The following TAPT1 variants were observed in gnomAD, a reference collection of about 807,000 sequenced individuals.
TAPT1 encodes the protein transmembrane anterior posterior transformation 1.
Under a neutral mutation model 65.6 loss-of-function variants are expected in TAPT1, and 28 were observed. That is an observed-to-expected ratio of 0.43 (90% CI 0.32 to 0.59). The LOEUF is 0.59. Ranked by LOEUF, TAPT1 falls within the 20% of genes least tolerant of loss-of-function variation. The pLI is 0.09. For synonymous variants in TAPT1, 278 were observed against 245.2 expected (o/e 1.13, Z -1.25); for missense variants, 563 against 679.9 (o/e 0.83, Z 1.91).
intron 1 of TAPT1, among the ~76,000 whole-genome samples, chr4:16,220,150 T>C (rs1450318758): frequency 6.6e-6 from 1 of 152,224 alleles, no homozygotes; most frequent in Non-Finnish European, 1.5e-5. Context: ...TAGAATTCTA[T>C]AGACCTATCT....
chr4:16,197,494 A>G (rs975229), intron 3 of TAPT1, among the ~76,000 whole-genome samples: 8,099 of 152,324 alleles, frequency 0.053, 238 homozygotes, highest in Middle Eastern at 0.14. Flanking sequence ...ACGAAGTCAC[A>G]AATTTCAGGA....
At chr4:16,186,143 A>T (rs1342561856) in intron 7 of TAPT1, among the ~76,000 whole-genome samples, 1 of 152,158 alleles carries the variant, frequency 6.6e-6, no homozygotes, top group African/African-American at 2.4e-5. Flanking sequence ...AATAATAACT[A>T]AAAAAGCTAA....
At position 16,163,398 on chromosome 4, in the gene TAPT1, C is replaced by A; in HGVS notation, c.1614G>T (p.Thr538=). The change falls in exon 14 of 14, where the codon ACG becomes ACT. Residue 538 remains threonine, a synonymous_variant. Transcript: ENST00000405303. ...TGTGTTTTAATTCAGAATTGTCCTG[C>A]GTTATGTCCTTCTCGTCACCATCTG... ...TTPDGDEKDI[T]QDNSELKHRS... is the part of the protein sequence containing the mutation. 1.2e-6 allele frequency: 2 copies of A among 1,613,890 alleles called. No homozygotes were observed. The highest frequency in any genetic ancestry group is 8.5e-7 in the Non-Finnish European group (1 of 1,179,864).
intron 2 of TAPT1, among the ~76,000 whole-genome samples, chr4:16,206,276 G>A (rs893346834): frequency 6.6e-6 from 1 of 152,200 alleles, no homozygotes; most frequent in African/African-American, 2.4e-5. Context: ...TTAATTTGTA[G>A]GACTATGCAC....
At chr4:16,194,859 GTCTTCTTCTTCTTCTTCTTCTTCT>G (rs71649940) in intron 3 of TAPT1, among the ~76,000 whole-genome samples, 1 of 146,892 alleles carries the variant, frequency 6.8e-6, no homozygotes, top group Non-Finnish European at 1.5e-5. Context: ...CTTGATTTCT[GTCTTCTTCTTCTTCTTCTTCTTCT>G]TCTTCTTCTT....
chr4:16,165,370 A>G (rs923352162), intron 13 of TAPT1, among the ~76,000 whole-genome samples: 1 of 152,068 alleles, frequency 6.6e-6, no homozygotes, highest in Non-Finnish European at 1.5e-5. Flanking sequence ...GGAGATCGAG[A>G]CCATCCTGGC....
chr4:16,168,892 C>T (rs1747812038), intron 12 of TAPT1, among the ~76,000 whole-genome samples: 1 of 152,242 alleles, frequency 6.6e-6, no homozygotes, highest in South Asian at 2.1e-4. Flanking sequence ...CAAGTCCTCC[C>T]ACCTTAGCTG....
intron 10 of TAPT1, 122 bp from the exon 11 acceptor site, chr4:16,174,394 C>A: frequency 1.2e-6 from 1 of 839,976 alleles, no homozygotes; most frequent in Non-Finnish European, 1.8e-6. Flanking sequence ...AGAACAGAAC[C>A]TGGCACTTAT....
chr4:16,211,822 C>A (rs1750668005), intron 2 of TAPT1, among the ~76,000 whole-genome samples: 1 of 152,082 alleles, frequency 6.6e-6, no homozygotes, highest in Non-Finnish European at 1.5e-5. Flanking sequence ...TTACTTGACC[C>A]ATTAGTGGTT....
At chr4:16,194,663 C>T (rs1375265245) in intron 3 of TAPT1, among the ~76,000 whole-genome samples, 1 of 152,044 alleles carries the variant, frequency 6.6e-6, no homozygotes, top group Admixed American at 6.6e-5. Context: ...AAAAACTGGA[C>T]TATTATGATA....
At chr4:16,174,474 G>C (rs1306916094) in intron 10 of TAPT1, 196 bp downstream of exon 10, 1 of 669,016 alleles carries the variant, frequency 1.5e-6, no homozygotes, top group East Asian at 2.8e-5. Flanking sequence ...ATGCTGCAAA[G>C]AGCATATACT....
At chr4:16,195,204 C>T (rs554028344) in intron 3 of TAPT1, among the ~76,000 whole-genome samples, 2 of 152,330 alleles carry the variant, frequency 1.3e-5, no homozygotes, top group Admixed American at 6.5e-5. Flanking sequence ...TTGAACCAAT[C>T]AGTTTATTTG....
At chr4:16,211,422 T>G (rs1372688949) in intron 2 of TAPT1, among the ~76,000 whole-genome samples, 1 of 152,206 alleles carries the variant, frequency 6.6e-6, no homozygotes, top group Non-Finnish European at 1.5e-5. Flanking sequence ...TTATGAGAGA[T>G]ATTTAAGCCT....
chr4:16,217,269 C>T (rs949356597), intron 1 of TAPT1, among the ~76,000 whole-genome samples: 1 of 152,024 alleles, frequency 6.6e-6, no homozygotes, highest in African/African-American at 2.4e-5. Flanking sequence ...TCACTGGGAC[C>T]CAGCACATAA....
intron 2 of TAPT1, among the ~76,000 whole-genome samples, chr4:16,212,268 A>C (rs1156562840): frequency 6.6e-6 from 1 of 152,226 alleles, no homozygotes; most frequent in Non-Finnish European, 1.5e-5. Flanking sequence ...ATTCCCCTGT[A>C]GAGGGCTGAG....
Position 16,160,596 on chromosome 4 carries a change from C to T in TAPT1, c.*2712G>A, listed in dbSNP as rs186115556. On this transcript the variant is annotated 3_prime_UTR_variant, in exon 14 of 14. Transcript: ENST00000405303. Reference sequence around the variant, plus strand: ...CTGTGACCAGCAGACATTATTTCATCGACTTGTTCCTATCAGTCTTCCACA... The same window carrying T: ...CTGTGACCAGCAGACATTATTTCATTGACTTGTTCCTATCAGTCTTCCACA... 6.6e-6 allele frequency: 1 copy of T among 152,160 alleles called. No homozygotes were observed. The highest frequency in any genetic ancestry group is 1.5e-5 in the Non-Finnish European group (1 of 68,032). 9.4% of individuals were successfully genotyped at this position (152,160 alleles called of 1,614,324 possible).
chr4:16,211,838 G>C (rs183421789), intron 2 of TAPT1, among the ~76,000 whole-genome samples: 74 of 152,134 alleles, frequency 4.9e-4, no homozygotes, highest in Non-Finnish European at 5.9e-5. Context: ...TGGTTCTATA[G>C]TGGACCACAA....
In TAPT1 at chr4:16,174,213, T is replaced by C. The variant is rs1443245945; in HGVS notation, c.1227A>G (p.Leu409=). The change falls in exon 11 of 14, where the codon CTA becomes CTG. Residue 409 remains leucine, a synonymous_variant. Transcript: ENST00000405303. ...AAAAGTATGCACTTACTAAAACAGC[T>C]AGTGGGAGAGGAATAAAGCCCATCC... ...ARRMGFIPLP[L]AVLLIRVVTS... is the part of the protein sequence containing the mutation. 6.2e-7 allele frequency: 1 copy of C among 1,605,684 alleles called. No homozygotes were observed. The highest frequency in any genetic ancestry group is 8.5e-7 in the Non-Finnish European group (1 of 1,175,766).
At chr4:16,202,182 G>A (rs549428709) in intron 3 of TAPT1, among the ~76,000 whole-genome samples, 14 of 152,160 alleles carry the variant, frequency 9.2e-5, no homozygotes, top group Admixed American at 2.0e-4. Context: ...TTTCAGACCC[G>A]GGTCCTTTCT....
Sources: allele counts gnomAD v4.1 joint callset (sites outside exome capture counted in the v4.1 genomes callset), GRCh38; gene constraint gnomAD v4.1.1; transcripts MANE v1.5; gene names NCBI Gene and HGNC (gene_info 2026-07-23, HGNC 2026-07-21).